Variants in ASAP2 observed in about 807,000 individuals in gnomAD.
ASAP2 encodes arf-GAP with SH3 domain, ANK repeat and PH domain-containing protein 2.
In ASAP2, 45 loss-of-function variants were observed where a neutral mutation model predicts 131.4. The observed-to-expected ratio is 0.34, with a 90% CI of 0.27 to 0.44. The LOEUF (loss-of-function observed/expected upper bound fraction) is 0.44, where lower values mean the gene tolerates loss of function less well. Ranked by LOEUF, ASAP2 falls within the 20% of genes least tolerant of loss-of-function variation. The pLI is 1.00. For missense variants in ASAP2, 1,011 were observed against 1,297.0 expected (o/e 0.78, Z 3.39); for synonymous variants, 510 against 503.0 (o/e 1.01, Z -0.19).
At chr2:9,391,871 C>A (rs995999838) in intron 23 of ASAP2, among the ~76,000 whole-genome samples, 1 of 151,978 alleles carries the variant, frequency 6.6e-6, no homozygotes, top group Non-Finnish European at 1.5e-5. Flanking sequence ...AGGCATGATC[C>A]ATGGTGCCCA....
At chr2:9,240,050 A>G (rs1315562852) in intron 1 of ASAP2, among the ~76,000 whole-genome samples, 2 of 151,950 alleles carry the variant, frequency 1.3e-5, no homozygotes, top group African/African-American at 4.8e-5. Flanking sequence ...GGGTGAAAAA[A>G]CTAGTCAACT....
chr2:9,309,486 A>G (rs1466379045), intron 3 of ASAP2, among the ~76,000 whole-genome samples: 2 of 152,174 alleles, frequency 1.3e-5, no homozygotes, highest in South Asian at 2.1e-4. Context: ...ACTTGGGGGT[A>G]AGGAGCTGGG....
Position 9,404,213 on chromosome 2 carries a change from T to C in ASAP2, c.*886T>C, listed in dbSNP as rs1318405542. 3 of 152,256 alleles carry C rather than the reference T, an allele frequency of 2.0e-5. No individual in the cohort carries two copies. The highest frequency in any genetic ancestry group is 2.1e-4 in the South Asian group (1 of 4,834). The allele number at this position is 152,256 out of a possible 1,614,324, so 9.4% of individuals were successfully genotyped here. ...TAACACATCACTTGCTGTTTCCTAC[T>C]GAGTGTACCACTGCCTTCCCTTCTA... On this transcript the variant is annotated 3_prime_UTR_variant, in exon 28 of 28. Coordinates refer to ENST00000281419, the MANE Select transcript of ASAP2 (RefSeq NM_003887.3).
In ASAP2 at chr2:9,335,095, C is replaced by G; in HGVS notation, c.765C>G (p.Ile255Met). 6.2e-7 allele frequency: 1 copy of G among 1,613,896 alleles called. No homozygotes were observed. Among genetic ancestry groups the G allele is most frequent in the Non-Finnish European group, 8.5e-7 (1 of 1,179,836 alleles). ...IETLSTDLHTIKQAQDEERRQ... is the reference protein window; with the variant it reads ...IETLSTDLHTMKQAQDEERRQ... ...GTTGTGTGTGTGTGTTTTTAAAGAT[C>G]AAACAGGCCCAGGATGAAGAAAGAA... The change falls in exon 9 of 28, where the codon ATC becomes ATG. Residue 255 changes from isoleucine to methionine, a missense_variant and splice_region_variant. Around this residue, in one of 2 missense-constraint regions of ASAP2, gnomAD observed 359 missense variants for 598.1 expected, o/e 0.60. Transcript: ENST00000281419.
Position 9,374,963 on chromosome 2 carries a change from G to A in ASAP2, c.1746+19G>A. 6.5e-7 allele frequency: 1 copy of A among 1,527,428 alleles called. No homozygotes were observed. The highest frequency in any genetic ancestry group is 8.7e-7 in the Non-Finnish European group (1 of 1,143,892). The allele number at this position is 1,527,428 out of a possible 1,614,324, so 94.6% of individuals were successfully genotyped here. A position where few individuals can be genotyped will look rare whatever the true frequency, so the allele number is the denominator to read the frequency against. ...CGGACATGTAAGAGTGTGGGTTGTT[G>A]CTACTTTAAAAAAAAAAAAAAGGCC... On this transcript the variant is annotated intron_variant, in intron 17 of 27. Coordinates refer to ENST00000281419, the MANE Select transcript of ASAP2 (RefSeq NM_003887.3).
At chr2:9,249,777 G>T (rs1233624713) in intron 1 of ASAP2, among the ~76,000 whole-genome samples, 1 of 149,250 alleles carries the variant, frequency 6.7e-6, no homozygotes, top group African/African-American at 2.4e-5. Flanking sequence ...ACCCCCAGAG[G>T]AGGGCAGGGC....
At chr2:9,360,940 G>T (rs1454181716) in intron 15 of ASAP2, among the ~76,000 whole-genome samples, 1 of 152,110 alleles carries the variant, frequency 6.6e-6, no homozygotes, top group Non-Finnish European at 1.5e-5. Flanking sequence ...TTTTAAATGT[G>T]TCTCAGAAAT....
chr2:9,297,622 T>G (rs1352353817), intron 3 of ASAP2, among the ~76,000 whole-genome samples, 177 bp downstream of exon 3: 1 of 152,200 alleles, frequency 6.6e-6, no homozygotes, highest in Non-Finnish European at 1.5e-5. Context: ...AAAATTGTAA[T>G]TTTTACTTTA....
At chr2:9,372,396 C>T (rs1190535903) in intron 16 of ASAP2, among the ~76,000 whole-genome samples, 1 of 152,166 alleles carries the variant, frequency 6.6e-6, no homozygotes, top group African/African-American at 2.4e-5. Context: ...CCTTTATGGA[C>T]TTCAGTGTAC....
intron 20 of ASAP2, among the ~76,000 whole-genome samples, chr2:9,383,861 T>G (rs1451848013): frequency 2.0e-5 from 3 of 152,114 alleles, no homozygotes; most frequent in African/African-American, 7.2e-5. Flanking sequence ...ATGTCCTTTG[T>G]AGGGACATGA....
intron 1 of ASAP2, among the ~76,000 whole-genome samples, chr2:9,246,480 C>T (rs1428596855): frequency 1.3e-5 from 2 of 152,044 alleles, no homozygotes; most frequent in Non-Finnish European, 2.9e-5. Context: ...TTTGTAGAGA[C>T]GGAGTATCAC....
chr2:9,361,516 C>CT (rs1285392878), intron 15 of ASAP2, among the ~76,000 whole-genome samples: 1 of 152,072 alleles, frequency 6.6e-6, no homozygotes, highest in Non-Finnish European at 1.5e-5. Flanking sequence ...AGGCTTCTTT[C>CT]TTTCTTTTCT....
chr2:9,207,086 G>C lies in ASAP2; in HGVS notation c.-19G>C, dbSNP rs376358778. On this transcript the variant is annotated 5_prime_UTR_variant, in exon 1 of 28. Transcript: ENST00000281419. This position sits in a 1 kb window ranked among gnomAD's most constrained non-coding sequence, Gnocchi z 4.1. ...GCGGCGCCCCTGCGGCTGTGCGCCA[G>C]CGCCCTCGCGCCGAGGCGATGCCGG... 4 of 1,551,932 alleles carry C rather than the reference G, an allele frequency of 2.6e-6. No individual in the cohort carries two copies. The highest frequency in any genetic ancestry group is 3.5e-6 in the Non-Finnish European group (4 of 1,149,198).
Position 9,392,146 on chromosome 2 carries a change from C to T in ASAP2, c.2518+950C>T, listed in dbSNP as rs369842584. ...CTGGGATTACAGGTGTGGGCCACCA[C>T]GCCCAGCCTGGCATGTTTTCTTTAA... On this transcript the variant is annotated intron_variant, in intron 23 of 27. Coordinates refer to ENST00000281419, the MANE Select transcript of ASAP2 (RefSeq NM_003887.3). The surrounding 1 kb of genome is among the most constrained non-coding windows in gnomAD (Gnocchi z 4.0). Among the ~76,000 whole-genome samples, 10 of 152,284 alleles carry T rather than the reference C, an allele frequency of 6.6e-5. No individual in the cohort carries two copies. Among genetic ancestry groups the T allele is most frequent in the African/African-American group, 2.4e-4 (10 of 41,570 alleles).
intron 1 of ASAP2, among the ~76,000 whole-genome samples, chr2:9,252,549 G>T (rs1236066868): frequency 6.7e-6 from 1 of 148,924 alleles, no homozygotes; most frequent in South Asian, 2.2e-4. Context: ...ATTCCAGCCT[G>T]GGCGACAAAG....
intron 24 of ASAP2, among the ~76,000 whole-genome samples, chr2:9,394,124 T>A (rs1270431720): frequency 6.7e-6 from 1 of 149,792 alleles, no homozygotes; most frequent in Non-Finnish European, 1.5e-5. Context: ...TTTGTCCAAA[T>A]AATGCCCCTT....
chr2:9,273,873 C>T (rs1347261464), intron 1 of ASAP2, among the ~76,000 whole-genome samples: 1 of 152,230 alleles, frequency 6.6e-6, no homozygotes, highest in East Asian at 1.9e-4. Context: ...AATTTCTAAA[C>T]TTGTGGCTAA....
At chr2:9,400,895 G>C in intron 26 of ASAP2, 65 bp downstream of exon 26, 1 of 1,487,474 alleles carries the variant, frequency 6.7e-7, no homozygotes, top group South Asian at 1.1e-5. Context: ...GGTTTCACAA[G>C]GGCTCAGGGG....
chr2:9,211,155 CAA>C (rs70948809), intron 1 of ASAP2, among the ~76,000 whole-genome samples: 35,478 of 129,004 alleles, frequency 0.28, 4,443 homozygotes, highest in Non-Finnish European at 0.31. Flanking sequence ...AACTGCGTCT[CAA>C]AAAAAAAAAA....
Sources: gnomAD v4.1 joint callset for allele counts (sites outside exome capture counted in the v4.1 genomes callset) on GRCh38, gnomAD v4.1.1 for gene constraint, gnomAD v4.1.1 regional missense constraint, Gnocchi (gnomAD v3.1) non-coding constraint, MANE v1.5 for transcripts, NCBI Gene and HGNC (gene_info 2026-07-23, HGNC 2026-07-21) for gene names.